The following GRID1 variants were observed in gnomAD, a reference collection of about 807,000 sequenced individuals.
The protein encoded by GRID1 is glutamate receptor ionotropic, delta-1.
In GRID1, 28 loss-of-function variants were observed where a neutral mutation model predicts 98.0. The ratio of observed to expected loss-of-function variants is 0.29; its 90% CI spans 0.21 to 0.39. GRID1 has a LOEUF of 0.39. Among genes scored for constraint, GRID1 ranks in the 10% least tolerant of loss-of-function variants. The pLI is 1.00. For missense variants in GRID1, 1,111 were observed against 1,340.5 expected (o/e 0.83, Z 2.67); for synonymous variants, 553 against 538.5 (o/e 1.03, Z -0.37).
At chr10:85,796,367 C>T (rs1026429415) in intron 8 of GRID1, among the ~76,000 whole-genome samples, 2 of 152,098 alleles carry the variant, frequency 1.3e-5, no homozygotes, top group African/African-American at 4.8e-5. Context: ...ACAAAGAATA[C>T]ATACTATAAC....
intron 2 of GRID1, among the ~76,000 whole-genome samples, chr10:86,254,709 C>T (rs1846890731): frequency 6.6e-6 from 1 of 152,232 alleles, no homozygotes; most frequent in Non-Finnish European, 1.5e-5. Context: ...TCCAGCTGTG[C>T]TGCCACTAAA....
At chr10:85,620,147 A>G in intron 13 of GRID1, 114 bp from the exon 14 acceptor site, 1 of 788,114 alleles carries the variant, frequency 1.3e-6, no homozygotes, top group Non-Finnish European at 2.1e-6. Flanking sequence ...TGGTCTTCCT[A>G]CCCACCAGAC....
At chr10:86,340,050 A>G (rs954000322) in intron 2 of GRID1, among the ~76,000 whole-genome samples, 1 of 152,096 alleles carries the variant, frequency 6.6e-6, no homozygotes, top group Non-Finnish European at 1.5e-5. Context: ...AGAGGCGGAG[A>G]CAGCAGGGAC....
chr10:85,677,089 G>A (rs779132503), intron 12 of GRID1, among the ~76,000 whole-genome samples: 37 of 152,166 alleles, frequency 2.4e-4, no homozygotes, highest in Non-Finnish European at 4.6e-4. Flanking sequence ...GTGTGACAGA[G>A]CTCCTCTGAT....
In GRID1 at chr10:86,191,918, C is replaced by T. The variant is rs755515244; in HGVS notation, c.520+14446G>A. ...GCACCCCTGCTGATCCATCCTGCGT[C>T]GCTGGGACACAGAGGTCTTGAGGGA... On this transcript the variant is annotated intron_variant, in intron 3 of 15. Transcript: ENST00000327946. Among the ~76,000 whole-genome samples the T allele has an allele frequency of 9.2e-5, 14 of 152,256 alleles. No individual in the cohort carries two copies. In the East Asian group the frequency reaches 2.7e-3, roughly 29 times the overall value.
intron 2 of GRID1, among the ~76,000 whole-genome samples, chr10:86,350,046 A>G (rs187029759): frequency 1.3e-5 from 2 of 152,370 alleles, no homozygotes; most frequent in Non-Finnish European, 2.9e-5. Context: ...CCAAAGGCCA[A>G]GAAGGGGCCC....
At chr10:85,816,615 A>C (rs1445421797) in intron 8 of GRID1, among the ~76,000 whole-genome samples, 2 of 152,192 alleles carry the variant, frequency 1.3e-5, no homozygotes, top group African/African-American at 4.8e-5. Context: ...GATACATGAC[A>C]CTGTGCATTT....
At chr10:86,311,362 C>A (rs1398093524) in intron 2 of GRID1, among the ~76,000 whole-genome samples, 2 of 152,168 alleles carry the variant, frequency 1.3e-5, no homozygotes, top group South Asian at 2.1e-4. Flanking sequence ...CTAGTCGGGG[C>A]AGCTGGGAGA....
At chr10:86,014,209 A>T (rs34032819) in intron 4 of GRID1, among the ~76,000 whole-genome samples, 15,194 of 152,274 alleles carry the variant, frequency 0.1, 834 homozygotes, top group African/African-American at 0.12. Context: ...ACACAAGTTA[A>T]ACATGCCAGA....
chr10:86,128,240 C>T (rs1300191340), intron 4 of GRID1, among the ~76,000 whole-genome samples: 2 of 152,090 alleles, frequency 1.3e-5, no homozygotes, highest in East Asian at 1.9e-4. Flanking sequence ...TCTGCCCTGC[C>T]TTTTCTTATT....
At chr10:85,939,498 A>G (rs1369151419) in intron 4 of GRID1, among the ~76,000 whole-genome samples, 6 of 151,748 alleles carry the variant, frequency 4.0e-5, no homozygotes, top group Non-Finnish European at 5.9e-5. Flanking sequence ...GCCCTTTCCA[A>G]CTTCTAGAAG....
intron 8 of GRID1, among the ~76,000 whole-genome samples, chr10:85,846,584 A>T (rs1843009209): frequency 6.6e-6 from 1 of 152,228 alleles, no homozygotes; most frequent in South Asian, 2.1e-4. Context: ...CAGAAAAAAA[A>T]TACAAAACAT....
intron 4 of GRID1, among the ~76,000 whole-genome samples, chr10:85,919,688 C>T (rs1396289853): frequency 3.3e-5 from 5 of 152,222 alleles, no homozygotes; most frequent in Non-Finnish European, 1.5e-5. Context: ...GAGGCAAGTC[C>T]TCCCTTTCGT....
At chr10:86,186,406 C>T (rs1443956332) in intron 3 of GRID1, among the ~76,000 whole-genome samples, 3 of 152,144 alleles carry the variant, frequency 2.0e-5, no homozygotes, top group Non-Finnish European at 4.4e-5. Flanking sequence ...CTGATTTCCA[C>T]TTCATCATTT....
intron 4 of GRID1, among the ~76,000 whole-genome samples, chr10:85,966,338 C>G (rs1842335759): frequency 6.6e-6 from 1 of 152,120 alleles, no homozygotes; most frequent in Non-Finnish European, 1.5e-5. Context: ...ATATTTAGGA[C>G]ACACCTGGAA....
At chr10:86,187,134 G>A (rs1845736008) in intron 3 of GRID1, among the ~76,000 whole-genome samples, 1 of 152,166 alleles carries the variant, frequency 6.6e-6, no homozygotes, top group Non-Finnish European at 1.5e-5. Context: ...TATGGTCATT[G>A]GGGGCGGGGC....
At chr10:85,764,235 C>G (rs1842175634) in intron 8 of GRID1, among the ~76,000 whole-genome samples, 1 of 152,102 alleles carries the variant, frequency 6.6e-6, no homozygotes, top group Non-Finnish European at 1.5e-5. Flanking sequence ...TTCTAGGCTG[C>G]CAAGCACTGA....
intron 4 of GRID1, among the ~76,000 whole-genome samples, chr10:86,128,249 T>C (rs534154491): frequency 4.4e-4 from 67 of 152,216 alleles, no homozygotes; most frequent in Non-Finnish European, 7.6e-4. Flanking sequence ...CCTTTTCTTA[T>C]TTAAATCGAA....
intron 4 of GRID1, among the ~76,000 whole-genome samples, chr10:86,135,033 G>A (rs1029966296): frequency 6.6e-6 from 1 of 152,246 alleles, no homozygotes; most frequent in East Asian, 1.9e-4. Flanking sequence ...GAAGAGCCAT[G>A]AGCAGAAGAG....
Sources: allele counts gnomAD v4.1 joint callset (sites outside exome capture counted in the v4.1 genomes callset), GRCh38; gene constraint gnomAD v4.1.1; transcripts MANE v1.5; gene names NCBI Gene and HGNC (gene_info 2026-07-23, HGNC 2026-07-21).